The following CDKN2A variants were observed in gnomAD, a reference collection of about 807,000 sequenced individuals.
CDKN2A encodes the protein cyclin-dependent kinase inhibitor 2A.
A neutral mutation model predicts 11.1 loss-of-function variants in CDKN2A; 3 were observed. The ratio of observed to expected loss-of-function variants is 0.27; its 90% CI spans 0.12 to 0.70. The LOEUF is 0.70. Among genes scored for constraint, CDKN2A ranks in the 30% least tolerant of loss-of-function variants. CDKN2A has a pLI of 0.77. For synonymous variants in CDKN2A, 122 were observed against 108.1 expected (o/e 1.13, Z -0.80); for missense variants, 265 against 233.6 (o/e 1.13, Z -0.88).
At chr9:21,980,987 C>T (rs1353100743) in intron 2 of CDKN2A, among the ~76,000 whole-genome samples, 1 of 20,164 alleles carries the variant, frequency 5.0e-5, no homozygotes, top group African/African-American at 2.1e-4. Context: ...TATATATATA[C>T]ACGTATATAT....
At position 21,971,073 on chromosome 9, in the gene CDKN2A, C is replaced by T. The variant is rs1587331506; in HGVS notation, c.286G>A (p.Val96Met). The T allele has an allele frequency of 6.2e-7, 1 of 1,605,632 alleles. No individual in the cohort carries two copies. Among genetic ancestry groups the T allele is most frequent in the Non-Finnish European group, 8.5e-7 (1 of 1,179,552 alleles). The change falls in exon 2 of 3, where the codon GTG (valine) becomes ATG (methionine). Residue 96 changes from valine to methionine, a missense_variant. Physicochemically the swap from Val to Met is conservative, Grantham distance 21. Transcript: ENST00000304494. ...AGCCGCGCCCCGGCCCGGTGCAGCA[C>T]CACCAGCGTGTCCAGGAAGCCCTCC... ...AREGFLDTLV[V>M]LHRAGARLDV...
upstream of CDKN2A, chr9:21,975,043 CTAT>C: frequency 7.3e-7 from 1 of 1,364,932 alleles, no homozygotes; most frequent in Non-Finnish European, 9.4e-7. Context: ...GGAGGAGGTG[CTAT>C]TAACTCCGAG....
chr9:21,987,560 T>G (rs1193397409), intron 2 of CDKN2A, among the ~76,000 whole-genome samples: 1 of 152,168 alleles, frequency 6.6e-6, no homozygotes, highest in African/African-American at 2.4e-5. Flanking sequence ...TTCTGTAAGC[T>G]TTAAAACACA....
At chr9:21,980,335 T>C (rs1188453199) in intron 2 of CDKN2A, among the ~76,000 whole-genome samples, 3 of 152,218 alleles carry the variant, frequency 2.0e-5, no homozygotes, top group East Asian at 3.9e-4. Flanking sequence ...AAAATATACA[T>C]AGAATATCTC....
At chr9:21,981,354 G>C (rs1262158783) in intron 2 of CDKN2A, among the ~76,000 whole-genome samples, 2 of 151,156 alleles carry the variant, frequency 1.3e-5, no homozygotes, top group Non-Finnish European at 2.9e-5. Flanking sequence ...AAAGATTTCA[G>C]AGTCTGGAAA....
In CDKN2A at chr9:21,974,166, C is replaced by G. The variant is rs1819909918; in HGVS notation, c.150+512G>C. ...TTGATCTCCCAAAGTGAAGGGATTA[C>G]AAGGCGTGAGGCACCGCGCCCGGCC... On this transcript the variant is annotated intron_variant, in intron 1 of 2. Coordinates refer to ENST00000304494, the MANE Select transcript of CDKN2A (RefSeq NM_000077.5). This position sits in a 1 kb window ranked among gnomAD's most constrained non-coding sequence, Gnocchi z 5.2. Among the ~76,000 whole-genome samples, 3 of 152,160 alleles carry G rather than the reference C, an allele frequency of 2.0e-5. No individual in the cohort carries two copies. Among genetic ancestry groups the G allele is most frequent in the Admixed American group, 2.0e-4 (3 of 15,280 alleles).
chr9:21,986,094 T>C (rs1820291425), intron 2 of CDKN2A, among the ~76,000 whole-genome samples: 1 of 152,018 alleles, frequency 6.6e-6, no homozygotes, highest in African/African-American at 2.4e-5. Context: ...GGTTTACAGA[T>C]GAGAACATGA....
intron 2 of CDKN2A, among the ~76,000 whole-genome samples, chr9:21,984,591 C>T (rs955486581): frequency 3.3e-5 from 5 of 151,908 alleles, no homozygotes; most frequent in Admixed American, 6.6e-5. Context: ...TGCTGATGTA[C>T]GCATGTGCTG....
At position 21,991,643 on chromosome 9, in the gene CDKN2A, T is replaced by C. The variant is rs2131142511; in HGVS notation, c.-4+2239A>G. On this transcript the variant is annotated intron_variant, in intron 2 of 3. Coordinates refer to the CDKN2A transcript ENST00000494262. The surrounding 1 kb of genome is among the most constrained non-coding windows in gnomAD (Gnocchi z 5.2). Reference sequence around the variant, plus strand: ...AAAATGGTTTAGCTTAACTCTATCATGGTAGTTGATAGTGATGAACTAACG... The same window carrying C: ...AAAATGGTTTAGCTTAACTCTATCACGGTAGTTGATAGTGATGAACTAACG... 4 of 983,746 alleles carry C rather than the reference T, an allele frequency of 4.1e-6. No individual in the cohort carries two copies. The South Asian group carries it at 1.9e-4, about 46-fold the overall frequency. The allele number at this position is 983,746 out of a possible 1,614,324, so 60.9% of individuals were successfully genotyped here. A position where few individuals can be genotyped will look rare whatever the true frequency, so the allele number is the denominator to read the frequency against.
In CDKN2A at chr9:21,968,132, C is replaced by A; in HGVS notation, c.*97G>T. 2 of 1,028,266 alleles carry A rather than the reference C, an allele frequency of 1.9e-6. No homozygotes were observed. The highest frequency in any genetic ancestry group is 1.3e-5 in the South Asian group (1 of 79,058). 63.7% of individuals were successfully genotyped at this position (1,028,266 alleles called of 1,614,324 possible). A position where few individuals can be genotyped will look rare whatever the true frequency, so the allele number is the denominator to read the frequency against. On this transcript the variant is annotated 3_prime_UTR_variant, in exon 3 of 3. Coordinates refer to ENST00000304494, the MANE Select transcript of CDKN2A (RefSeq NM_000077.5). This position sits in a 1 kb window ranked among gnomAD's most constrained non-coding sequence, Gnocchi z 4.7. Reference sequence around the variant, plus strand: ...ATTTTCTAAATGAAAACTACGAAAGCGGGGTGGGTTGTGGCGGGGGCAGTT... The same window carrying A: ...ATTTTCTAAATGAAAACTACGAAAGAGGGGTGGGTTGTGGCGGGGGCAGTT...
At position 21,988,793 on chromosome 9, in the gene CDKN2A, A is replaced by T. The variant is rs1370893837; in HGVS notation, c.-4+5089T>A. Among the ~76,000 whole-genome samples the T allele has an allele frequency of 6.6e-6, 1 of 152,236 alleles. No individual in the cohort carries two copies. On this transcript the variant is annotated intron_variant, in intron 2 of 3. Coordinates refer to the CDKN2A transcript ENST00000494262. The surrounding 1 kb of genome is among the most constrained non-coding windows in gnomAD (Gnocchi z 4.1). Reference sequence around the variant, plus strand: ...AATCTACGAGGCACTATATTTTTAAAAATACCACTATGTACAAGGCACTGT... The same window carrying T: ...AATCTACGAGGCACTATATTTTTAATAATACCACTATGTACAAGGCACTGT...
rs778009882 is a variant in CDKN2A at position 21,991,712 on chromosome 9, T to C, written c.-4+2170A>G. On this transcript the variant is annotated intron_variant, in intron 2 of 3. Transcript: ENST00000494262. This position sits in a 1 kb window ranked among gnomAD's most constrained non-coding sequence, Gnocchi z 5.2. ...AACCATCATAGACGGTAATAGGCTA[T>C]GTTGTTGCTACCTTAGGATCATAAT... 6.0e-5 allele frequency: 59 copies of C among 983,252 alleles called. No individual in the cohort carries two copies. The highest frequency in any genetic ancestry group is 6.4e-5 in the Non-Finnish European group (53 of 828,094). 60.9% of individuals were successfully genotyped at this position (983,252 alleles called of 1,614,324 possible). A position where few individuals can be genotyped will look rare whatever the true frequency, so the allele number is the denominator to read the frequency against.
At chr9:21,982,857 C>T in intron 2 of CDKN2A, among the ~76,000 whole-genome samples, 1 of 148,748 alleles carries the variant, frequency 6.7e-6, no homozygotes. Flanking sequence ...ATTATTCTTT[C>T]TTCATAATGC....
upstream of CDKN2A, among the ~76,000 whole-genome samples, chr9:21,975,320 T>A (rs36228834): frequency 0.02 from 2,994 of 152,236 alleles, 43 homozygotes; most frequent in Non-Finnish European, 0.031. Flanking sequence ...ACAACCTTCC[T>A]AACTGCCAAA....
At position 21,968,778 on chromosome 9, in the gene CDKN2A, C is replaced by T. The variant is rs868555516; in HGVS notation, c.458-536G>A. 29 of 1,536,136 alleles carry T rather than the reference C, an allele frequency of 1.9e-5. 1 individual carries two copies. In the Middle Eastern group the frequency reaches 4.7e-3, roughly 248 times the overall value. Reference sequence around the variant, plus strand: ...AAATGGTTTCCGATCATTTCTGAAACAAAATGGATGCTCATTTATTCATGT... The same window carrying T: ...AAATGGTTTCCGATCATTTCTGAAATAAAATGGATGCTCATTTATTCATGT... On this transcript the variant is annotated intron_variant, in intron 2 of 2. Coordinates refer to ENST00000304494, the MANE Select transcript of CDKN2A (RefSeq NM_000077.5). This position sits in a 1 kb window ranked among gnomAD's most constrained non-coding sequence, Gnocchi z 4.7.
rs938889880 is a variant in CDKN2A at position 21,968,783 on chromosome 9, T to C, written c.458-541A>G. ...GTTTCCGATCATTTCTGAAACAAAA[T>C]GGATGCTCATTTATTCATGTGCTCT... On this transcript the variant is annotated intron_variant, in intron 2 of 2. Transcript: ENST00000304494. The surrounding 1 kb of genome is among the most constrained non-coding windows in gnomAD (Gnocchi z 4.7). The C allele has an allele frequency of 1.5e-5, 23 of 1,536,088 alleles. 2 individuals carry two copies. Among genetic ancestry groups the C allele is most frequent in the Admixed American group, 5.9e-5 (3 of 50,996 alleles).
chr9:21,969,058 A>C (rs1819559333), intron 2 of CDKN2A, among the ~76,000 whole-genome samples: 1 of 151,970 alleles, frequency 6.6e-6, no homozygotes, highest in Non-Finnish European at 1.5e-5. Context: ...ATATTTACCC[A>C]TTGCATTGGT....
intron 2 of CDKN2A, among the ~76,000 whole-genome samples, chr9:21,985,151 T>C (rs1820272312): frequency 6.6e-6 from 1 of 152,028 alleles, no homozygotes; most frequent in South Asian, 2.1e-4. Context: ...GGGTAGAGTT[T>C]TATCTTTTGT....
At chr9:21,986,436 G>T (rs530966011) in intron 2 of CDKN2A, among the ~76,000 whole-genome samples, 102 of 152,016 alleles carry the variant, frequency 6.7e-4, no homozygotes, top group African/African-American at 2.3e-3. Context: ...GAGGCCCAAA[G>T]GGGTTAAGCG....
Sources: allele counts gnomAD v4.1 joint callset (sites outside exome capture counted in the v4.1 genomes callset), GRCh38; gene constraint gnomAD v4.1.1; non-coding constraint Gnocchi (gnomAD v3.1); transcripts MANE v1.5; gene names NCBI Gene and HGNC (gene_info 2026-07-23, HGNC 2026-07-21).